FGGY: variants seen among roughly 807,000 people sequenced by gnomAD.
FGGY encodes FGGY carbohydrate kinase domain-containing protein.
FGGY carries 72 observed loss-of-function variants against 71.3 expected under a neutral mutation model. The ratio of observed to expected loss-of-function variants is 1.01; its 90% CI spans 0.84 to 1.23. The LOEUF (loss-of-function observed/expected upper bound fraction) is 1.23. FGGY is among the 50% of genes most tolerant of loss of function. The probability of loss-of-function intolerance (pLI) is 0.00; values close to 1 mark genes in which losing one functional copy is unlikely to be tolerated. For missense variants in FGGY, 668 were observed against 682.3 expected (o/e 0.98, Z 0.23); for synonymous variants, 251 against 250.3 (o/e 1.00, Z -0.02).
At chr1:59,428,056 A>G (rs1203422388) in intron 5 of FGGY, among the ~76,000 whole-genome samples, 3 of 152,180 alleles carry the variant, frequency 2.0e-5, no homozygotes, top group Non-Finnish European at 4.4e-5. Context: ...GCAGTCAACT[A>G]TTGGTATTTG....
At chr1:59,466,374 A>C (rs1353911129) in intron 6 of FGGY, among the ~76,000 whole-genome samples, 3 of 152,214 alleles carry the variant, frequency 2.0e-5, no homozygotes, top group African/African-American at 7.2e-5. Flanking sequence ...TTAAAGACTT[A>C]AATGTTAGAC....
intron 6 of FGGY, among the ~76,000 whole-genome samples, chr1:59,497,703 G>T (rs143892229): frequency 6.6e-6 from 1 of 152,320 alleles, no homozygotes; most frequent in Non-Finnish European, 1.5e-5. Context: ...TTGCCAGTCT[G>T]TTCTTCTGAC....
intron 5 of FGGY, among the ~76,000 whole-genome samples, chr1:59,451,022 C>T (rs771583754): frequency 1.2e-4 from 19 of 152,058 alleles, no homozygotes; most frequent in African/African-American, 3.4e-4. Flanking sequence ...TGATGAAATA[C>T]TGAGATAATT....
intron 4 of FGGY, among the ~76,000 whole-genome samples, chr1:59,351,555 C>T (rs779518929): frequency 9.8e-5 from 15 of 152,304 alleles, no homozygotes; most frequent in Middle Eastern, 3.4e-3. Flanking sequence ...ATATCCACCT[C>T]GTTCTTTGCT....
chr1:59,465,115 A>G (rs2092532080), intron 6 of FGGY, among the ~76,000 whole-genome samples: 1 of 152,228 alleles, frequency 6.6e-6, no homozygotes, highest in African/African-American at 2.4e-5. Context: ...AATCCTCAAT[A>G]ACGTACTGGC....
intron 8 of FGGY, among the ~76,000 whole-genome samples, chr1:59,574,315 C>T (rs2096041961): frequency 6.6e-6 from 1 of 152,210 alleles, no homozygotes; most frequent in Non-Finnish European, 1.5e-5. Context: ...TTGCCTCCTC[C>T]TCATCTGTGG....
chr1:59,404,793 C>T (rs1187350370), intron 5 of FGGY, among the ~76,000 whole-genome samples: 1 of 152,296 alleles, frequency 6.6e-6, no homozygotes, highest in South Asian at 2.1e-4. Flanking sequence ...AACCTAGCAT[C>T]TGGGTGTCTG....
intron 7 of FGGY, among the ~76,000 whole-genome samples, chr1:59,513,939 T>A (rs886406249): frequency 6.6e-6 from 1 of 152,244 alleles, no homozygotes; most frequent in Non-Finnish European, 1.5e-5. Context: ...GTCCTCAGGA[T>A]CTAAAACAGT....
chr1:59,375,121 G>A (rs187179707), intron 4 of FGGY, among the ~76,000 whole-genome samples: 1 of 151,018 alleles, frequency 6.6e-6, no homozygotes, highest in Admixed American at 6.6e-5. Flanking sequence ...ATGGCAGGGT[G>A]TGGTGGCATG....
intron 4 of FGGY, 113 bp downstream of exon 4, chr1:59,346,511 G>A (rs1335898619): frequency 2.5e-6 from 3 of 1,201,682 alleles, no homozygotes; most frequent in African/African-American, 3.1e-5. Flanking sequence ...ATTTTTCCCA[G>A]CAACTAGGAG....
intron 6 of FGGY, among the ~76,000 whole-genome samples, chr1:59,478,791 T>C (rs1018622789): frequency 1.3e-5 from 2 of 152,154 alleles, no homozygotes; most frequent in Non-Finnish European, 2.9e-5. Context: ...TTCAGTACTT[T>C]AGAGGCCAGG....
Position 59,586,622 on chromosome 1 carries a change from C to G in FGGY, c.904-21181C>G, listed in dbSNP as rs943693457. 5.3e-5 allele frequency among the ~76,000 whole-genome samples: 8 copies of G among 152,166 alleles called. No homozygotes were observed. In the East Asian group the frequency reaches 1.5e-3, roughly 29 times the overall value. On this transcript the variant is annotated intron_variant, in intron 8 of 15. Coordinates refer to ENST00000303721, the MANE Select transcript of FGGY (RefSeq NM_018291.5). ...TGTATACATATGTAACAAACCTGCA[C>G]ATTGTGCACATGTACCCTAAAACTT...
chr1:59,618,122 C>G (rs2096774656), intron 9 of FGGY, among the ~76,000 whole-genome samples: 3 of 152,078 alleles, frequency 2.0e-5, no homozygotes, highest in African/African-American at 7.2e-5. Context: ...TACGGTCACT[C>G]CAGTCATCCA....
intron 5 of FGGY, among the ~76,000 whole-genome samples, chr1:59,403,319 A>G (rs2062238783): frequency 6.6e-6 from 1 of 152,146 alleles, no homozygotes; most frequent in Admixed American, 6.5e-5. Context: ...TCCAGTGTAC[A>G]AATGTAGAGA....
At chr1:59,366,112 A>G (rs779702518) in intron 4 of FGGY, among the ~76,000 whole-genome samples, 6 of 152,196 alleles carry the variant, frequency 3.9e-5, no homozygotes, top group Non-Finnish European at 8.8e-5. Flanking sequence ...AGCATATTTT[A>G]TGGTTGGGAA....
intron 7 of FGGY, among the ~76,000 whole-genome samples, chr1:59,515,216 A>C (rs537739462): frequency 2.0e-5 from 3 of 152,180 alleles, no homozygotes; most frequent in Non-Finnish European, 2.9e-5. Flanking sequence ...TTGGAGCTTT[A>C]AAATTTGATT....
intron 5 of FGGY, among the ~76,000 whole-genome samples, chr1:59,433,234 C>A (rs2067746926): frequency 6.6e-6 from 1 of 152,154 alleles, no homozygotes; most frequent in African/African-American, 2.4e-5. Flanking sequence ...TAGCACATAT[C>A]CCCACCCGCA....
chr1:59,305,776 T>C (rs2043350637), intron 1 of FGGY, among the ~76,000 whole-genome samples: 1 of 152,248 alleles, frequency 6.6e-6, no homozygotes, highest in Admixed American at 6.5e-5. Flanking sequence ...CTAATCCTTT[T>C]TGGTGCTTCT....
intron 14 of FGGY, among the ~76,000 whole-genome samples, chr1:59,691,973 A>G (rs888880121): frequency 6.6e-6 from 1 of 152,216 alleles, no homozygotes; most frequent in African/African-American, 2.4e-5. Context: ...GACATAGAGT[A>G]GCTGCTTGGT....
Sources: allele counts gnomAD v4.1 joint callset (sites outside exome capture counted in the v4.1 genomes callset), GRCh38; gene constraint gnomAD v4.1.1; transcripts MANE v1.5; gene names NCBI Gene and HGNC (gene_info 2026-07-23, HGNC 2026-07-21).